TTC14: variants seen among roughly 807,000 people sequenced by gnomAD.
TTC14 encodes the protein tetratricopeptide repeat domain 14.
Under a neutral mutation model 79.9 loss-of-function variants are expected in TTC14, and 63 were observed. The observed-to-expected ratio is 0.79, with a 90% CI of 0.64 to 0.97. The LOEUF (loss-of-function observed/expected upper bound fraction) is 0.97. TTC14 is among the 50% of genes least tolerant of loss of function. The probability of loss-of-function intolerance (pLI) is 0.00; values close to 1 mark genes in which losing one functional copy is unlikely to be tolerated. For synonymous variants in TTC14, 335 were observed against 309.6 expected (o/e 1.08, Z -0.86); for missense variants, 895 against 894.0 (o/e 1.00, Z -0.01).
Position 180,605,038 on chromosome 3 carries a change from T to C in TTC14, c.857+31T>C, listed in dbSNP as rs374177191. The C allele has an allele frequency of 5.7e-6, 9 of 1,581,182 alleles. No individual in the cohort carries two copies. The African/African-American group carries it at 1.1e-4, about 19-fold the overall frequency. ...GTACATCAGTATTACTCTTAGATGGTGAGGGGAGTGGCAGTAAGCTCAGAA... is the reference window on the plus strand; with the variant it reads ...GTACATCAGTATTACTCTTAGATGGCGAGGGGAGTGGCAGTAAGCTCAGAA... On this transcript the variant is annotated intron_variant, in intron 6 of 11. Transcript: ENST00000296015.
In TTC14 at chr3:180,604,978, T is replaced by C. The variant is rs1259214274; in HGVS notation, c.828T>C (p.Asn276=). 2 of 1,613,682 alleles carry C rather than the reference T, an allele frequency of 1.2e-6. No homozygotes were observed. The highest frequency in any genetic ancestry group is 1.3e-5 in the African/African-American group (1 of 75,030). Residue 276 remains asparagine, a synonymous_variant, in exon 6 of 12, where the codon AAT becomes AAC. Coordinates refer to ENST00000296015, the MANE Select transcript of TTC14 (RefSeq NM_133462.4). ...LLEKLGIDES[N]PPSLMRGLQS... is the part of the protein sequence containing the mutation. ...AAAAACTAGGAATAGATGAATCTAA[T>C]CCACCATCTTTAATGAGAGGCCTAC...
At chr3:180,606,419 G>T in intron 8 of TTC14, 47 bp downstream of exon 8, 3 of 1,613,246 alleles carry the variant, frequency 1.9e-6, no homozygotes, top group Non-Finnish European at 2.5e-6. Flanking sequence ...CCAGGTAAAT[G>T]CGAACAAGAT....
chr3:180,611,335 C>T (rs1211552298), downstream of TTC14, among the ~76,000 whole-genome samples: 1 of 152,198 alleles, frequency 6.6e-6, no homozygotes, highest in African/African-American at 2.4e-5. Context: ...TTAGCAAAAA[C>T]ATAGCAGTAG....
Position 180,610,475 on chromosome 3 carries a change from A to G in TTC14, c.2246A>G (p.Asn749Ser). The stretch of plus-strand genomic sequence containing the variant: ...AGTGTTAAGAAAAATTTACCTCAGA[A>G]TTTACTGAATATATTTAATCAGATA... ...ESSVKKNLPQ[N>S]LLNIFNQIAE... The change falls in exon 12 of 12, where the codon AAT becomes AGT. Residue 749 changes from asparagine to serine, a missense_variant. Transcript: ENST00000296015. 1 of 1,604,166 alleles carries G rather than the reference A, an allele frequency of 6.2e-7. No individual in the cohort carries two copies. Among genetic ancestry groups the G allele is most frequent in the Non-Finnish European group, 8.5e-7 (1 of 1,177,648 alleles).
In TTC14 at chr3:180,610,544, A is replaced by T. The variant is rs780257510; in HGVS notation, c.*2A>T. On this transcript the variant is annotated 3_prime_UTR_variant, in exon 12 of 12. Coordinates refer to ENST00000296015, the MANE Select transcript of TTC14 (RefSeq NM_133462.4). Reference sequence around the variant, plus strand: ...AAAGGAAATAAGTCAAAAAATTAATACACCAAGGATATCGGCACCATTACA... The same window carrying T: ...AAAGGAAATAAGTCAAAAAATTAATTCACCAAGGATATCGGCACCATTACA... 1.9e-6 allele frequency: 3 copies of T among 1,559,050 alleles called. No individual in the cohort carries two copies. The highest frequency in any genetic ancestry group is 2.6e-6 in the Non-Finnish European group (3 of 1,159,796).
chr3:180,603,325 T>G lies in TTC14; in HGVS notation c.486+2T>G, dbSNP rs1553798251. On this transcript the variant is annotated splice_donor_variant, in intron 3 of 11. Coordinates refer to ENST00000296015, the MANE Select transcript of TTC14 (RefSeq NM_133462.4). LOFTEE classifies it high-confidence loss of function. ...GATATAGCCCACTTAGAAATCACAGTAAGTTATTTTTGTTACTTGGATTGC... is the reference window on the plus strand; with the variant it reads ...GATATAGCCCACTTAGAAATCACAGGAAGTTATTTTTGTTACTTGGATTGC... The G allele has an allele frequency of 6.2e-7, 1 of 1,612,288 alleles. No individual in the cohort carries two copies. Among genetic ancestry groups the G allele is most frequent in the Non-Finnish European group, 8.5e-7 (1 of 1,178,382 alleles).
downstream of TTC14, among the ~76,000 whole-genome samples, chr3:180,613,435 C>T (rs1448330529): frequency 6.6e-6 from 1 of 152,140 alleles, no homozygotes; most frequent in African/African-American, 2.4e-5. Flanking sequence ...GGCCCAAGAA[C>T]CAAACCATTC....
At chr3:180,606,116 T>C in intron 7 of TTC14, 137 bp from the exon 8 acceptor site, 1 of 1,184,088 alleles carries the variant, frequency 8.4e-7, no homozygotes, top group Non-Finnish European at 1.2e-6. Context: ...GAACGTTCCT[T>C]AGGTATATTG....
chr3:180,612,998 A>G (rs1312365177), downstream of TTC14, among the ~76,000 whole-genome samples: 1 of 152,208 alleles, frequency 6.6e-6, no homozygotes, highest in African/African-American at 2.4e-5. Flanking sequence ...CAACATCACT[A>G]ATTAGAGAAA....
chr3:180,610,788 T>A lies in TTC14; in HGVS notation c.*246T>A. ...AGTATATTACTCTTGACAGTTTGAA[T>A]TTCTTCACCTAAAGATAATTCTCTG... On this transcript the variant is annotated 3_prime_UTR_variant, in exon 12 of 12. Coordinates refer to ENST00000296015, the MANE Select transcript of TTC14 (RefSeq NM_133462.4). 9.5e-7 allele frequency: 1 copy of A among 1,058,096 alleles called. No homozygotes were observed. 65.5% of individuals were successfully genotyped at this position (1,058,096 alleles called of 1,614,324 possible).
intron 6 of TTC14, 111 bp downstream of exon 6, chr3:180,605,118 A>T: frequency 1.9e-6 from 2 of 1,069,258 alleles, no homozygotes; most frequent in Non-Finnish European, 2.6e-6. Context: ...AGTAGCAGGC[A>T]TATGCCAAAG....
In TTC14 at chr3:180,607,798, A is replaced by T. The variant is rs961457883; in HGVS notation, c.1290+33A>T. The T allele has an allele frequency of 1.9e-6, 3 of 1,598,042 alleles. No homozygotes were observed. In the South Asian group the frequency reaches 3.5e-5, roughly 19 times the overall value. On this transcript the variant is annotated intron_variant, in intron 10 of 11. Coordinates refer to ENST00000296015, the MANE Select transcript of TTC14 (RefSeq NM_133462.4). Reference sequence around the variant, plus strand: ...CTTATTTCCTCTTAGAAATTTAGTGATATTTGAAATAATGCCCAAACTTAA... The same window carrying T: ...CTTATTTCCTCTTAGAAATTTAGTGTTATTTGAAATAATGCCCAAACTTAA...
At chr3:180,607,976 T>C in intron 10 of TTC14, 1 of 1,296,298 alleles carries the variant, frequency 7.7e-7, no homozygotes, top group Non-Finnish European at 9.8e-7. Context: ...GTGAGAAAAC[T>C]ATTACCTAAA....
chr3:180,609,749 G>A lies in TTC14; in HGVS notation c.1520G>A (p.Arg507Lys). Reference sequence around the variant, plus strand: ...CACAAAAGGCATAAGAAACATAAGAGGAACCGTTCAGAGTCTTCTCGCAGT... The same window carrying A: ...CACAAAAGGCATAAGAAACATAAGAAGAACCGTTCAGAGTCTTCTCGCAGT... ...SGHKRHKKHK[R>K]NRSESSRSSR... The change falls in exon 12 of 12, where the codon AGG becomes AAG. Residue 507 changes from arginine (R) to lysine (K), a missense_variant. By Grantham distance (26) the Arg-to-Lys change is conservative. Transcript: ENST00000296015. The A allele has an allele frequency of 6.2e-7, 1 of 1,613,886 alleles. No individual in the cohort carries two copies. Among genetic ancestry groups the A allele is most frequent in the Non-Finnish European group, 8.5e-7 (1 of 1,179,888 alleles).
rs1255389975 is a variant in TTC14 at position 180,608,826 on chromosome 3, C to T, written c.1400+16C>T. ...AAGAGAAGAGGTAAACTATAATATT[C>T]AGTATTTTTAAACTTAAGGCAACTA... On this transcript the variant is annotated intron_variant, in intron 11 of 11. Coordinates refer to ENST00000296015, the MANE Select transcript of TTC14 (RefSeq NM_133462.4). 2 of 1,467,438 alleles carry T rather than the reference C, an allele frequency of 1.4e-6. No homozygotes were observed. 90.9% of individuals were successfully genotyped at this position (1,467,438 alleles called of 1,614,324 possible).
At position 180,610,279 on chromosome 3, in the gene TTC14, A is replaced by G. The variant is rs1480041048; in HGVS notation, c.2050A>G (p.Lys684Glu). 6.2e-7 allele frequency: 1 copy of G among 1,613,766 alleles called. No individual in the cohort carries two copies. Among genetic ancestry groups the G allele is most frequent in the African/African-American group, 1.3e-5 (1 of 75,000 alleles). ...SSEYSWKSVE[K>E]YKKYAHSGSR... is the part of the protein sequence containing the mutation. ...AGAATACTCTTGGAAGTCAGTTGAG[A>G]AATACAAAAAATACGCTCACTCTGG... is the stretch of plus-strand genomic sequence containing the variant. Residue 684 changes from lysine (K) to glutamate (E), a missense_variant, in exon 12 of 12, where the codon AAA (lysine) becomes GAA (glutamate). Transcript: ENST00000296015.
chr3:180,607,556 A>G, intron 9 of TTC14, 92 bp from the exon 10 acceptor site: 2 of 1,405,270 alleles, frequency 1.4e-6, no homozygotes, highest in Non-Finnish European at 9.3e-7. Context: ...CTTTTCCCTA[A>G]TAAGCTCTCT....
chr3:180,604,818 C>T, intron 5 of TTC14, 34 bp from the exon 6 acceptor site: 2 of 1,568,322 alleles, frequency 1.3e-6, no homozygotes, highest in South Asian at 2.3e-5. Flanking sequence ...TCAAATTAGT[C>T]ATTTTACAAT....
At chr3:180,608,939 C>T in intron 11 of TTC14, 129 bp downstream of exon 11, 6 of 1,231,774 alleles carry the variant, frequency 4.9e-6, no homozygotes, top group Non-Finnish European at 6.1e-6. Context: ...TGTTAAGAAT[C>T]TTTAGCAAAT....
Sources: gnomAD v4.1 joint callset for allele counts (sites outside exome capture counted in the v4.1 genomes callset) on GRCh38, gnomAD v4.1.1 for gene constraint, MANE v1.5 for transcripts, NCBI Gene and HGNC (gene_info 2026-07-23, HGNC 2026-07-21) for gene names.